SIGLEC15: variants seen among roughly 807,000 people sequenced by gnomAD.
SIGLEC15 encodes sialic acid-binding Ig-like lectin 15.
Under a neutral mutation model 26.2 loss-of-function variants are expected in SIGLEC15, and 31 were observed. That is an observed-to-expected ratio of 1.18 (90% CI 0.89 to 1.60). The LOEUF (loss-of-function observed/expected upper bound fraction) is 1.60, where lower values mean the gene tolerates loss of function less well. Ranked by LOEUF, SIGLEC15 falls within the 40% of genes most tolerant of loss-of-function variation. SIGLEC15 has a pLI of 0.00. For missense variants in SIGLEC15, 501 were observed against 488.4 expected (o/e 1.03, Z -0.24); for synonymous variants, 207 against 221.9 (o/e 0.93, Z 0.60).
chr18:45,837,403 C>T, intron 2 of SIGLEC15, 110 bp from the exon 3 acceptor site: 1 of 1,366,246 alleles, frequency 7.3e-7, no homozygotes, highest in Non-Finnish European at 9.5e-7. Context: ...CCTGGGGTTT[C>T]CAGGCTAGGG....
At chr18:45,831,896 C>A (rs886265847) in intron 1 of SIGLEC15, among the ~76,000 whole-genome samples, 1 of 152,176 alleles carries the variant, frequency 6.6e-6, no homozygotes, top group Non-Finnish European at 1.5e-5. Context: ...CACCACTGCG[C>A]CCAGCTAATT....
chr18:45,832,014 G>A (rs1218962749), intron 1 of SIGLEC15, among the ~76,000 whole-genome samples: 2 of 152,234 alleles, frequency 1.3e-5, no homozygotes, highest in Non-Finnish European at 2.9e-5. Flanking sequence ...TTACAGGCGT[G>A]AGCCGCCACG....
chr18:45,837,645 G>T lies in SIGLEC15; in HGVS notation c.245G>T (p.Arg82Leu), dbSNP rs1243504540. ...HYDGPLTAIW[R>L]AGEPYAGPQV... The stretch of plus-strand genomic sequence containing the variant: ...GACGGGCCGCTGACGGCCATCTGGC[G>T]CGCGGGCGAGCCCTATGCGGGCCCG... Residue 82 changes from arginine (R) to leucine (L), a missense_variant, in exon 3 of 6, where the codon CGC (arginine) becomes CTC (leucine). Arg to Leu is a moderately radical substitution (Grantham distance 102). Transcript: ENST00000389474. The T allele has an allele frequency of 2.0e-6, 3 of 1,506,282 alleles. No homozygotes were observed. Among genetic ancestry groups the T allele is most frequent in the East Asian group, 2.7e-5 (1 of 37,540 alleles). The allele number at this position is 1,506,282 out of a possible 1,614,324, so 93.3% of individuals were successfully genotyped here.
chr18:45,838,676 G>A (rs1599396581), intron 3 of SIGLEC15, 42 bp from the exon 4 acceptor site: 1 of 1,511,272 alleles, frequency 6.6e-7, no homozygotes, highest in South Asian at 1.3e-5. Flanking sequence ...GGGCTAAGGG[G>A]AGGGGTGCCC....
intron 2 of SIGLEC15, 59 bp downstream of exon 2, chr18:45,837,147 AGATCCCAG>A: frequency 5.0e-6 from 8 of 1,602,054 alleles, no homozygotes; most frequent in Non-Finnish European, 6.8e-6. Context: ...TTTAACCACG[AGATCCCAG>A]GGTTTTTCCA....
intron 4 of SIGLEC15, 80 bp downstream of exon 4, chr18:45,839,175 C>G: frequency 7.5e-7 from 1 of 1,329,068 alleles, no homozygotes. Context: ...CCTGGCTGAC[C>G]CCCTGGCACT....
Position 45,842,082 on chromosome 18 carries a change from C to G in SIGLEC15, c.906-24C>G, listed in dbSNP as rs757099000. 4 of 1,611,506 alleles carry G rather than the reference C, an allele frequency of 2.5e-6. No homozygotes were observed. In the South Asian group the frequency reaches 4.4e-5, roughly 18 times the overall value. On this transcript the variant is annotated intron_variant, in intron 5 of 5. Coordinates refer to ENST00000389474, the MANE Select transcript of SIGLEC15 (RefSeq NM_213602.3). ...TGGACCTCCCACCTGTTTGGATGAT[C>G]ATTCAACTTTCTCCTGTCCACAGGT...
chr18:45,837,183 G>C (rs2048282212), intron 2 of SIGLEC15, 95 bp downstream of exon 2: 1 of 1,548,790 alleles, frequency 6.5e-7, no homozygotes, highest in Non-Finnish European at 8.7e-7. Flanking sequence ...GGTTTTGATG[G>C]GGAAAAACTA....
rs374325600 is a variant in SIGLEC15 at position 45,827,674 on chromosome 18, A to T, written c.52+1894A>T. Among the ~76,000 whole-genome samples the T allele has an allele frequency of 1.4e-4, 22 of 152,274 alleles. No homozygotes were observed. The East Asian group carries it at 2.5e-3, about 17-fold the overall frequency. ...GCTGGGGAGATTCATTAGACACTAC[A>T]TCAAAGGCCCCCAGCACAGCTCCTG... On this transcript the variant is annotated intron_variant, in intron 1 of 5. Coordinates refer to ENST00000389474, the MANE Select transcript of SIGLEC15 (RefSeq NM_213602.3).
At chr18:45,840,070 T>A in intron 4 of SIGLEC15, 141 bp from the exon 5 acceptor site, 1 of 861,626 alleles carries the variant, frequency 1.2e-6, no homozygotes, top group Non-Finnish European at 1.8e-6. Context: ...TGGCACAGCT[T>A]CACACCCTGC....
rs2048294947 is a variant in SIGLEC15, at chr18:45,838,483, T to C, written c.497-235T>C. 6 of 597,522 alleles carry C rather than the reference T, an allele frequency of 1.0e-5. No homozygotes were observed. In the South Asian group the frequency reaches 1.6e-4, roughly 16 times the overall value. The allele number at this position is 597,522 out of a possible 1,614,324, so 37.0% of individuals were successfully genotyped here. ...CCACAAGCATGAATTTGCCAAATCT[T>C]TTCAGCAACCTCTTAAGGCAACTGC... is the stretch of plus-strand genomic sequence containing the variant. On this transcript the variant is annotated intron_variant, in intron 3 of 5. Coordinates refer to ENST00000389474, the MANE Select transcript of SIGLEC15 (RefSeq NM_213602.3).
intron 4 of SIGLEC15, among the ~76,000 whole-genome samples, chr18:45,839,861 C>T (rs918909861): frequency 1.3e-5 from 2 of 152,164 alleles, no homozygotes; most frequent in African/African-American, 4.8e-5. Context: ...CCCCCAGGTC[C>T]ATAGCACTAG....
intron 4 of SIGLEC15, among the ~76,000 whole-genome samples, 173 bp from the exon 5 acceptor site, chr18:45,840,038 C>T (rs1230455436): frequency 6.6e-6 from 1 of 152,156 alleles, no homozygotes; most frequent in Non-Finnish European, 1.5e-5. Context: ...CCTCTCCTCA[C>T]TAACTCCCCA....
intron 1 of SIGLEC15, among the ~76,000 whole-genome samples, chr18:45,833,936 C>T (rs1432793098): frequency 6.6e-6 from 1 of 152,106 alleles, no homozygotes; most frequent in East Asian, 1.9e-4. Context: ...CCCATGAATC[C>T]ATGGCAACAT....
chr18:45,837,867 GCCGCCACGGCGT>G lies in SIGLEC15; in HGVS notation c.471_482del (p.His158_Arg161del). The G allele has an allele frequency of 2.6e-6, 4 of 1,532,528 alleles. No homozygotes were observed. Among genetic ancestry groups the G allele is most frequent in the Non-Finnish European group, 3.5e-6 (4 of 1,150,816 alleles). The allele number at this position is 1,532,528 out of a possible 1,614,324, so 94.9% of individuals were successfully genotyped here. On this transcript the variant is annotated inframe_deletion, in exon 3 of 6. Transcript: ENST00000389474. Reference sequence around the variant, plus strand: ...GGCGACGTCCATGACCGCTACGAGAGCCGCCACGGCGTCCGGCTGCACGTGACAGGCGAGGCG... The same window carrying G: ...GGCGACGTCCATGACCGCTACGAGAGCCGGCTGCACGTGACAGGCGAGGCG...
intron 2 of SIGLEC15, 136 bp downstream of exon 2, chr18:45,837,224 A>C: frequency 7.1e-7 from 1 of 1,398,806 alleles, no homozygotes; most frequent in Non-Finnish European, 9.4e-7. Flanking sequence ...AGGGGCCTGC[A>C]GGTGAATTAG....
chr18:45,837,122 A>T, intron 2 of SIGLEC15, 34 bp downstream of exon 2: 1 of 1,611,236 alleles, frequency 6.2e-7, no homozygotes, highest in Non-Finnish European at 8.5e-7. Context: ...CATCTCGGGG[A>T]TCTTGGGAGT....
chr18:45,834,045 G>C (rs1015480647), intron 1 of SIGLEC15, among the ~76,000 whole-genome samples: 3 of 152,188 alleles, frequency 2.0e-5, no homozygotes, highest in African/African-American at 4.8e-5. Flanking sequence ...CCTCTATGCT[G>C]ATTGATGTCC....
At chr18:45,834,962 G>C (rs1301957694) in intron 1 of SIGLEC15, among the ~76,000 whole-genome samples, 1 of 152,140 alleles carries the variant, frequency 6.6e-6, no homozygotes, top group Non-Finnish European at 1.5e-5. Context: ...CCTTCAGACA[G>C]GGTTTCTCAA....
Sources: gnomAD v4.1 joint callset for allele counts (sites outside exome capture counted in the v4.1 genomes callset) on GRCh38, gnomAD v4.1.1 for gene constraint, MANE v1.5 for transcripts, NCBI Gene and HGNC (gene_info 2026-07-23, HGNC 2026-07-21) for gene names.